Variants in MSRA observed in about 807,000 individuals in gnomAD.
MSRA encodes mitochondrial peptide methionine sulfoxide reductase.
A neutral mutation model predicts 31.3 loss-of-function variants in MSRA; 54 were observed. The ratio of observed to expected loss-of-function variants is 1.73; its 90% CI spans 1.39 to 2.17. The LOEUF is 2.17. MSRA is among the 30% of genes most tolerant of loss of function. MSRA has a pLI of 0.00. For synonymous variants in MSRA, 169 were observed against 116.5 expected (o/e 1.45, Z -2.90); for missense variants, 507 against 300.9 (o/e 1.69, Z -5.07).
intron 1 of MSRA, among the ~76,000 whole-genome samples, chr8:10,137,395 T>C (rs1173497326): frequency 6.6e-6 from 1 of 152,208 alleles, no homozygotes; most frequent in African/African-American, 2.4e-5. Flanking sequence ...AGTTGTTAAC[T>C]GCTTTCTTTG....
chr8:10,358,565 CTT>C (rs59106668), intron 5 of MSRA, among the ~76,000 whole-genome samples: 5 of 64,004 alleles, frequency 7.8e-5, no homozygotes, highest in East Asian at 1.2e-3. Context: ...GCATTAGATT[CTT>C]TTTTTTTTTT....
chr8:10,106,038 C>A (rs1585158174), intron 1 of MSRA, among the ~76,000 whole-genome samples: 1 of 152,244 alleles, frequency 6.6e-6, no homozygotes, highest in African/African-American at 2.4e-5. Context: ...ACTCTTTCCA[C>A]AATCCTATAG....
chr8:10,332,895 C>A (rs1253966314), intron 5 of MSRA, among the ~76,000 whole-genome samples: 2 of 152,312 alleles, frequency 1.3e-5, no homozygotes, highest in South Asian at 4.1e-4. Flanking sequence ...GTATGACTGC[C>A]CTCTGCTGGC....
chr8:10,282,518 G>C (rs539766597), intron 3 of MSRA, among the ~76,000 whole-genome samples: 1 of 152,192 alleles, frequency 6.6e-6, no homozygotes, highest in Non-Finnish European at 1.5e-5. Flanking sequence ...TGTCCATTCT[G>C]TGTCCCCTTG....
intron 1 of MSRA, among the ~76,000 whole-genome samples, chr8:10,068,123 G>C (rs955162075): frequency 1.4e-4 from 22 of 152,034 alleles, no homozygotes; most frequent in South Asian, 2.1e-4. Context: ...ACCTCAAGCA[G>C]ACTGCCCGCC....
In MSRA at chr8:10,426,097, G is replaced by A. The variant is rs185216756; in HGVS notation, c.544-2051G>A. Among the ~76,000 whole-genome samples the A allele has an allele frequency of 2.0e-4, 31 of 152,294 alleles. No individual in the cohort carries two copies. The East Asian group carries it at 5.4e-3, about 27-fold the overall frequency. On this transcript the variant is annotated intron_variant, in intron 5 of 5. Transcript: ENST00000317173. The stretch of plus-strand genomic sequence containing the variant: ...AGCCTCTTCACAGGCAAATGCTAGC[G>A]ATGGTTCAAGTCACACGGCCAGCAC...
At chr8:10,385,818 G>GGGC (rs1195614578) in intron 5 of MSRA, among the ~76,000 whole-genome samples, 1 of 149,178 alleles carries the variant, frequency 6.7e-6, no homozygotes, top group Non-Finnish European at 1.5e-5. Flanking sequence ...GGGGTGGGGT[G>GGGC]TCTTCCTAAA....
rs150408596 is a variant in MSRA at position 10,166,233 on chromosome 8, C to A, written c.143-41600C>A. On this transcript the variant is annotated intron_variant, in intron 1 of 5. Transcript: ENST00000317173. ...TTAGAAGTTTTGGAGCTTTTGGTTT[C>A]TCAGGTAGCAGGGGAGAATGAACTC... 2.8e-3 allele frequency among the ~76,000 whole-genome samples: 423 copies of A among 152,214 alleles called. 2 individuals carry two copies. Among genetic ancestry groups the A allele is most frequent in the African/African-American group, 9.3e-3 (388 of 41,528 alleles).
intron 2 of MSRA, among the ~76,000 whole-genome samples, chr8:10,240,066 T>C (rs961741550): frequency 1.6e-4 from 25 of 152,228 alleles, no homozygotes; most frequent in African/African-American, 6.0e-4. Flanking sequence ...TTGCTTGGTC[T>C]GATGGATGTT....
intron 1 of MSRA, among the ~76,000 whole-genome samples, chr8:10,121,272 T>C (rs1435489578): frequency 1.3e-5 from 2 of 152,080 alleles, no homozygotes; most frequent in African/African-American, 4.8e-5. Context: ...CAGCTTGAAA[T>C]AGATAACTTG....
intron 2 of MSRA, among the ~76,000 whole-genome samples, chr8:10,232,080 C>G (rs78278597): frequency 0.019 from 2,897 of 152,164 alleles, 97 homozygotes; most frequent in African/African-American, 0.067. Context: ...CTCCTCCTAT[C>G]CAGCCTAACT....
At chr8:10,055,431 C>G (rs913050090) in intron 1 of MSRA, among the ~76,000 whole-genome samples, 2 of 152,238 alleles carry the variant, frequency 1.3e-5, no homozygotes, top group African/African-American at 4.8e-5. Flanking sequence ...GCACGCGTTT[C>G]CCAGAACGAG....
At chr8:10,386,598 A>C (rs981662003) in intron 5 of MSRA, among the ~76,000 whole-genome samples, 34 of 152,142 alleles carry the variant, frequency 2.2e-4, no homozygotes, top group African/African-American at 8.0e-4. Flanking sequence ...AGAGCTTGCC[A>C]AGACACAATT....
At chr8:10,193,923 T>C (rs1807747936) in intron 1 of MSRA, among the ~76,000 whole-genome samples, 1 of 152,202 alleles carries the variant, frequency 6.6e-6, no homozygotes, top group Non-Finnish European at 1.5e-5. Flanking sequence ...GAGAGCTTCA[T>C]AGTAAAAACT....
intron 1 of MSRA, among the ~76,000 whole-genome samples, chr8:10,194,638 C>G (rs890778335): frequency 3.9e-5 from 6 of 152,218 alleles, no homozygotes; most frequent in East Asian, 1.9e-4. Context: ...AGTGATAGCT[C>G]TATCTTGAGG....
intron 1 of MSRA, among the ~76,000 whole-genome samples, chr8:10,063,559 C>T (rs1392072102): frequency 5.3e-5 from 8 of 152,122 alleles, no homozygotes; most frequent in Admixed American, 5.2e-4. Context: ...ATCCTCACCC[C>T]CCCAGGTGAT....
intron 5 of MSRA, chr8:10,320,301 C>G (rs908043993): frequency 5.5e-6 from 1 of 180,956 alleles, no homozygotes; most frequent in Non-Finnish European, 1.2e-5. Context: ...AACCCCATCT[C>G]TACAAAAAAT....
chr8:10,230,834 G>T (rs569217950), intron 2 of MSRA, among the ~76,000 whole-genome samples: 1 of 152,182 alleles, frequency 6.6e-6, no homozygotes, highest in Non-Finnish European at 1.5e-5. Context: ...GCCCAGGCTG[G>T]AGTATAATGG....
In MSRA at chr8:10,222,644, A is replaced by G. The variant is rs960104107; in HGVS notation, c.211+14743A>G. Reference sequence around the variant, plus strand: ...CTGCGGTATATATACACAATGGAATACGATTCAGTCTTAAGAAAGAAGGAA... The same window carrying G: ...CTGCGGTATATATACACAATGGAATGCGATTCAGTCTTAAGAAAGAAGGAA... On this transcript the variant is annotated intron_variant, in intron 2 of 5. Coordinates refer to ENST00000317173, the MANE Select transcript of MSRA (RefSeq NM_012331.5). 5.9e-5 allele frequency among the ~76,000 whole-genome samples: 9 copies of G among 152,354 alleles called. No homozygotes were observed. In the East Asian group the frequency reaches 1.5e-3, roughly 26 times the overall value.
Sources: gnomAD v4.1 joint callset for allele counts (sites outside exome capture counted in the v4.1 genomes callset) on GRCh38, gnomAD v4.1.1 for gene constraint, MANE v1.5 for transcripts, NCBI Gene and HGNC (gene_info 2026-07-23, HGNC 2026-07-21) for gene names.